SLC14A2: variants seen among roughly 807,000 people sequenced by gnomAD.
SLC14A2 encodes the protein urea transporter 2.
In SLC14A2, 91 loss-of-function variants were observed where a neutral mutation model predicts 104.6. The observed-to-expected ratio is 0.87, with a 90% CI of 0.73 to 1.04. The LOEUF (loss-of-function observed/expected upper bound fraction) is 1.04, where lower values mean the gene tolerates loss of function less well. SLC14A2 is among the 50% of genes least tolerant of loss of function. The pLI, the probability that SLC14A2 is intolerant of heterozygous loss-of-function variation, is 0.00. For missense variants in SLC14A2, 1,189 were observed against 1,156.0 expected (o/e 1.03, Z -0.41); for synonymous variants, 476 against 466.4 (o/e 1.02, Z -0.27).
At chr18:45,648,351 A>G (rs1259405440) in intron 10 of SLC14A2, among the ~76,000 whole-genome samples, 5 of 151,624 alleles carry the variant, frequency 3.3e-5, no homozygotes, top group South Asian at 2.1e-4. Context: ...GACTACAGGC[A>G]CCCGCCACCA....
chr18:45,640,270 CG>C (rs1181969107), intron 7 of SLC14A2, among the ~76,000 whole-genome samples: 3 of 149,464 alleles, frequency 2.0e-5, no homozygotes, highest in South Asian at 4.3e-4. Context: ...AGTGAGACTC[CG>C]TCTTAAAAAA....
chr18:45,555,997 A>G (rs1420642297), intron 2 of SLC14A2, among the ~76,000 whole-genome samples: 1 of 152,158 alleles, frequency 6.6e-6, no homozygotes, highest in Non-Finnish European at 1.5e-5. Flanking sequence ...TGGCTTATAA[A>G]CAACAGACAT....
At chr18:45,464,164 A>G (rs941661658) in intron 1 of SLC14A2, among the ~76,000 whole-genome samples, 1 of 152,234 alleles carries the variant, frequency 6.6e-6, no homozygotes. Flanking sequence ...TGGGGTGAAG[A>G]GTAAAACGAA....
intron 2 of SLC14A2, among the ~76,000 whole-genome samples, chr18:45,609,012 A>G (rs2044923529): frequency 6.6e-6 from 1 of 152,156 alleles, no homozygotes; most frequent in South Asian, 2.1e-4. Context: ...GTTGCTTCTC[A>G]GGGAAGATTG....
At chr18:45,474,996 C>A (rs549930021) in intron 1 of SLC14A2, among the ~76,000 whole-genome samples, 2 of 152,314 alleles carry the variant, frequency 1.3e-5, no homozygotes, top group African/African-American at 4.8e-5. Context: ...ATCTTTCCCA[C>A]TTTCTCCTGT....
At chr18:45,677,662 T>C (rs963905308) in intron 18 of SLC14A2, among the ~76,000 whole-genome samples, 19 of 152,236 alleles carry the variant, frequency 1.2e-4, no homozygotes, top group African/African-American at 4.6e-4. Flanking sequence ...AAATGATGTA[T>C]GTTAATTAAT....
intron 1 of SLC14A2, among the ~76,000 whole-genome samples, chr18:45,372,861 T>C (rs2085737592): frequency 6.6e-6 from 1 of 152,268 alleles, no homozygotes; most frequent in Non-Finnish European, 1.5e-5. Context: ...CTAATATGTA[T>C]ATAATGTTAT....
chr18:45,545,193 T>C (rs941161670), intron 2 of SLC14A2, among the ~76,000 whole-genome samples: 1 of 152,266 alleles, frequency 6.6e-6, no homozygotes, highest in Non-Finnish European at 1.5e-5. Context: ...TTGTGTAGCA[T>C]AGCATTAGCC....
At chr18:45,192,717 T>C in the SLC14A2 span, among the ~76,000 whole-genome samples, 1 of 151,630 alleles carries the variant, frequency 6.6e-6, no homozygotes, top group East Asian at 1.9e-4. Context: ...AATGCAGTGG[T>C]ATAGTCTTGG....
chr18:45,335,201 G>A (rs2085327117), intron 1 of SLC14A2, among the ~76,000 whole-genome samples: 1 of 151,844 alleles, frequency 6.6e-6, no homozygotes, highest in African/African-American at 2.4e-5. Context: ...CCCACTCCAA[G>A]CAGCCTCTGA....
intron 1 of SLC14A2, among the ~76,000 whole-genome samples, chr18:45,297,986 C>G (rs1034520500): frequency 1.2e-4 from 18 of 152,160 alleles, no homozygotes; most frequent in Admixed American, 2.6e-4. Flanking sequence ...GACAAAGAGG[C>G]ATTTTAAACT....
chr18:45,643,117 C>T lies in SLC14A2; in HGVS notation c.1127-15C>T, dbSNP rs1805993804. On this transcript the variant is annotated splice_polypyrimidine_tract_variant and intron_variant, in intron 8 of 19. Transcript: ENST00000255226. ...CCCTGGGAAGCTCACTCTGGTGATC[C>T]TTGTTCCTCCACAGCCCTGTTCTGT... 2 of 1,613,908 alleles carry T rather than the reference C, an allele frequency of 1.2e-6. No homozygotes were observed. Among genetic ancestry groups the T allele is most frequent in the Admixed American group, 1.7e-5 (1 of 60,016 alleles).
intron 1 of SLC14A2, among the ~76,000 whole-genome samples, chr18:45,224,389 G>A (rs1378863013): frequency 1.3e-5 from 2 of 152,186 alleles, no homozygotes; most frequent in Non-Finnish European, 2.9e-5. Flanking sequence ...AGCTTATCAC[G>A]ACCAATCAGG....
chr18:45,513,283 C>T (rs2043393209), intron 2 of SLC14A2, among the ~76,000 whole-genome samples: 1 of 152,192 alleles, frequency 6.6e-6, no homozygotes, highest in Non-Finnish European at 1.5e-5. Flanking sequence ...ATCTTTCAAA[C>T]CTGTCATTTA....
At chr18:45,650,762 G>A (rs988404862) in intron 10 of SLC14A2, among the ~76,000 whole-genome samples, 4 of 152,084 alleles carry the variant, frequency 2.6e-5, no homozygotes, top group Admixed American at 6.6e-5. Flanking sequence ...TTTTTGAGAC[G>A]GAGTTTTGTT....
At chr18:45,666,072 A>C in intron 11 of SLC14A2, 65 bp from the exon 12 acceptor site, 3 of 1,106,650 alleles carry the variant, frequency 2.7e-6, no homozygotes, top group Non-Finnish European at 4.2e-6. Flanking sequence ...CTTGCAGGAC[A>C]TTAGCTTCTG....
intron 18 of SLC14A2, among the ~76,000 whole-genome samples, chr18:45,674,723 A>G (rs2046198793): frequency 6.6e-6 from 1 of 152,144 alleles, no homozygotes; most frequent in South Asian, 2.1e-4. Flanking sequence ...ACTAATTCTC[A>G]AGGTTGGTAT....
At chr18:45,210,562 G>A (rs1408314316), upstream of SLC14A2, among the ~76,000 whole-genome samples, 1 of 152,216 alleles carries the variant, frequency 6.6e-6, no homozygotes, top group African/African-American at 2.4e-5. Flanking sequence ...CTAGGCAAGA[G>A]CGTAATGCTG....
chr18:45,678,950 C>CTT (rs2046269828), intron 18 of SLC14A2, 25 bp from the exon 19 acceptor site: 2 of 1,395,680 alleles, frequency 1.4e-6, no homozygotes, highest in South Asian at 1.3e-5. Flanking sequence ...TGGTCTATTT[C>CTT]TTTCTTTTTT....
Sources: allele counts gnomAD v4.1 joint callset (sites outside exome capture counted in the v4.1 genomes callset), GRCh38; gene constraint gnomAD v4.1.1; transcripts MANE v1.5; gene names NCBI Gene and HGNC (gene_info 2026-07-23, HGNC 2026-07-21).